EPHB1: variants seen among roughly 807,000 people sequenced by gnomAD.
The protein encoded by EPHB1 is ephrin type-B receptor 1.
A neutral mutation model predicts 94.4 loss-of-function variants in EPHB1; 30 were observed. The ratio of observed to expected loss-of-function variants is 0.32; its 90% confidence interval spans 0.24 to 0.43. EPHB1 has a LOEUF of 0.43. EPHB1 is among the 20% of genes least tolerant of loss of function. EPHB1 has a pLI of 1.00. For synonymous variants in EPHB1, 522 were observed against 489.1 expected (o/e 1.07, Z -0.89); for missense variants, 1,055 against 1,308.3 (o/e 0.81, Z 2.99).
intron 3 of EPHB1, among the ~76,000 whole-genome samples, chr3:135,093,815 G>T (rs1222932859): frequency 6.6e-6 from 1 of 152,000 alleles, no homozygotes; most frequent in Non-Finnish European, 1.5e-5. Flanking sequence ...TTTAAAATGT[G>T]CATAATCTCA....
rs763721857 is a variant in EPHB1, at chr3:135,248,354, A to G, written c.2535A>G (p.Pro845=). ...NAIEQDYRLP[P]PMDCPAALHQ... ...TCGAGCAGGACTACCGGCTGCCCCC[A>G]CCCATGGACTGTCCAGCTGCTCTAC... The change falls in exon 14 of 16, where the codon CCA becomes CCG. Residue 845 remains proline (P), a synonymous_variant. Transcript: ENST00000398015. 2 of 1,598,546 alleles carry G rather than the reference A, an allele frequency of 1.3e-6. No homozygotes were observed. Among genetic ancestry groups the G allele is most frequent in the South Asian group, 2.2e-5 (2 of 89,840 alleles).
chr3:134,999,685 G>A (rs541956005), intron 3 of EPHB1, among the ~76,000 whole-genome samples: 1 of 152,330 alleles, frequency 6.6e-6, no homozygotes, highest in South Asian at 2.1e-4. Context: ...AGAAGGATGA[G>A]AGGATTGCCT....
chr3:135,171,990 T>C (rs551345118), intron 9 of EPHB1, among the ~76,000 whole-genome samples: 1 of 152,312 alleles, frequency 6.6e-6, no homozygotes, highest in South Asian at 2.1e-4. Context: ...AAAGGTGATA[T>C]ATAAACAGTG....
At chr3:134,944,268 A>G (rs1287987379) in intron 2 of EPHB1, among the ~76,000 whole-genome samples, 1 of 152,190 alleles carries the variant, frequency 6.6e-6, no homozygotes, top group Non-Finnish European at 1.5e-5. Context: ...TGTTTTAGAG[A>G]TTCATCATGT....
chr3:135,193,210 G>T (rs1378834197), intron 11 of EPHB1, among the ~76,000 whole-genome samples: 1 of 152,202 alleles, frequency 6.6e-6, no homozygotes, highest in Admixed American at 6.5e-5. Context: ...CTCCCAGACT[G>T]CTCTCTGCAT....
At chr3:135,154,976 C>T (rs1941307016) in intron 6 of EPHB1, among the ~76,000 whole-genome samples, 1 of 152,132 alleles carries the variant, frequency 6.6e-6, no homozygotes, top group African/African-American at 2.4e-5. Flanking sequence ...TAACCCAACA[C>T]ATTATTTGTA....
At chr3:135,015,135 C>T (rs1935752020) in intron 3 of EPHB1, among the ~76,000 whole-genome samples, 1 of 152,192 alleles carries the variant, frequency 6.6e-6, no homozygotes, top group Non-Finnish European at 1.5e-5. Flanking sequence ...AGCAACTGCC[C>T]TCTTGCCTTT....
chr3:135,099,187 C>T (rs1164258192), intron 3 of EPHB1, among the ~76,000 whole-genome samples: 2 of 152,048 alleles, frequency 1.3e-5, no homozygotes, highest in Admixed American at 1.3e-4. Flanking sequence ...ACTCAATTAG[C>T]CGTAGAATGT....
chr3:134,904,478 G>A (rs573002114), intron 1 of EPHB1, among the ~76,000 whole-genome samples: 1 of 152,190 alleles, frequency 6.6e-6, no homozygotes, highest in Non-Finnish European at 1.5e-5. Context: ...TGTGGTCTGT[G>A]GTCTGTGGTG....
At chr3:135,111,233 C>T (rs539770945) in intron 4 of EPHB1, among the ~76,000 whole-genome samples, 2 of 152,156 alleles carry the variant, frequency 1.3e-5, no homozygotes, top group Non-Finnish European at 2.9e-5. Context: ...AAGCAGCCTC[C>T]GTGTCACCTA....
At chr3:134,933,668 A>G (rs1235670261) in intron 2 of EPHB1, among the ~76,000 whole-genome samples, 1 of 152,158 alleles carries the variant, frequency 6.6e-6, no homozygotes, top group Non-Finnish European at 1.5e-5. Context: ...CAGCTGGTAA[A>G]TTGCCTAAGG....
At chr3:134,826,464 C>T (rs1348533899) in intron 1 of EPHB1, among the ~76,000 whole-genome samples, 1 of 152,124 alleles carries the variant, frequency 6.6e-6, no homozygotes, top group Non-Finnish European at 1.5e-5. Flanking sequence ...ATCGATGGAT[C>T]TTGCTGTGTC....
intron 4 of EPHB1, among the ~76,000 whole-genome samples, chr3:135,107,146 A>G (rs7374961): frequency 0.23 from 34,764 of 152,152 alleles, 5,552 homozygotes; most frequent in East Asian, 0.75. Flanking sequence ...CTGATGTAGC[A>G]TTTGTGCTCC....
intron 3 of EPHB1, among the ~76,000 whole-genome samples, chr3:134,960,624 T>C (rs1933477391): frequency 6.6e-6 from 1 of 152,184 alleles, no homozygotes; most frequent in Non-Finnish European, 1.5e-5. Context: ...TGCAAGTGTG[T>C]TCGACTCATC....
intron 1 of EPHB1, among the ~76,000 whole-genome samples, chr3:134,901,079 CTTA>C (rs949435567): frequency 8.6e-5 from 13 of 152,046 alleles, no homozygotes; most frequent in Admixed American, 5.9e-4. Context: ...CTTTTTAAAT[CTTA>C]TTATAATTTT....
At chr3:135,186,102 T>G (rs1054799154) in intron 10 of EPHB1, among the ~76,000 whole-genome samples, 4 of 152,222 alleles carry the variant, frequency 2.6e-5, no homozygotes, top group African/African-American at 9.6e-5. Flanking sequence ...AAAATGTAGA[T>G]GTATGTATGT....
intron 3 of EPHB1, among the ~76,000 whole-genome samples, chr3:134,957,555 G>A (rs6769854): frequency 0.33 from 50,447 of 151,980 alleles, 8,869 homozygotes; most frequent in Middle Eastern, 0.5. Flanking sequence ...GCCATACAGG[G>A]CAGCCCTGAA....
At chr3:135,091,477 G>A (rs188239923) in intron 3 of EPHB1, among the ~76,000 whole-genome samples, 85 of 152,294 alleles carry the variant, frequency 5.6e-4, no homozygotes, top group Middle Eastern at 3.4e-3. Flanking sequence ...AATGAGTGCC[G>A]GGATTGATTA....
At chr3:135,024,021 A>C (rs1203630120) in intron 3 of EPHB1, among the ~76,000 whole-genome samples, 5 of 152,170 alleles carry the variant, frequency 3.3e-5, no homozygotes, top group African/African-American at 1.2e-4. Flanking sequence ...TTTTGGGCCA[A>C]ACTGAAAAGG....
Sources: gnomAD v4.1 joint callset for allele counts (sites outside exome capture counted in the v4.1 genomes callset) on GRCh38, gnomAD v4.1.1 for gene constraint, MANE v1.5 for transcripts, NCBI Gene and HGNC (gene_info 2026-07-23, HGNC 2026-07-21) for gene names.